SEZ6: variants seen among roughly 807,000 people sequenced by gnomAD.
The protein encoded by SEZ6 is seizure related 6 homolog, also known as seizure protein 6 homolog.
SEZ6 carries 53 observed loss-of-function variants against 101.0 expected under a neutral mutation model. That is an observed-to-expected ratio of 0.52 (90% confidence interval 0.42 to 0.66). SEZ6 has a LOEUF of 0.66. Ranked by LOEUF, SEZ6 falls within the 30% of genes least tolerant of loss-of-function variation. The pLI, the probability that SEZ6 is intolerant of heterozygous loss-of-function variation, is 0.00. For missense variants in SEZ6, 1,102 were observed against 1,289.4 expected, an observed-to-expected ratio of 0.85 and a Z score of 2.23; for synonymous variants, 488 against 512.2, an observed-to-expected ratio of 0.95 and a Z score of 0.64.
At chr17:28,983,891 C>G (rs2041343378) in intron 1 of SEZ6, among the ~76,000 whole-genome samples, 1 of 151,876 alleles carries the variant, frequency 6.6e-6, no homozygotes, top group Admixed American at 6.6e-5. Flanking sequence ...GAGGAAGCAG[C>G]AGATGGCCTA....
Position 28,969,793 on chromosome 17 carries a change from G to A in SEZ6, c.1018C>T (p.Pro340Ser). ...AALRFQSLPP[P>S]AGPGTFHFHY... ...AAATGGAAGGTGCCAGGGCCAGCCG[G>A]TGGCGGGAGGCTCTGGAACCTCAGG... is the stretch of plus-strand genomic sequence containing the variant. Residue 340 changes from proline (P) to serine (S), a missense_variant, in exon 4 of 17, where the codon CCG becomes TCG. By Grantham distance (74) the Pro-to-Ser change is moderately conservative. Around this residue, in one of 3 missense-constraint regions of SEZ6, gnomAD observed 556 missense variants for 735.1 expected, o/e 0.76. Transcript: ENST00000317338. The A allele has an allele frequency of 6.6e-7, 1 of 1,508,930 alleles. No individual in the cohort carries two copies. Among genetic ancestry groups the A allele is most frequent in the South Asian group, 1.3e-5 (1 of 74,758 alleles). The allele number at this position is 1,508,930 out of a possible 1,614,324, so 93.5% of individuals were successfully genotyped here.
rs73986767 is a variant in SEZ6 at position 28,970,017 on chromosome 17, C to T, written c.859-65G>A. On this transcript the variant is annotated intron_variant, in intron 3 of 16. Transcript: ENST00000317338. Reference sequence around the variant, plus strand: ...CTTCTTCCTGCTGCCTGGATCCTGCCGCCCTCAGGATCCTGCAGGCCCCGG... The same window carrying T: ...CTTCTTCCTGCTGCCTGGATCCTGCTGCCCTCAGGATCCTGCAGGCCCCGG... 6,185 of 1,418,204 alleles carry T rather than the reference C, an allele frequency of 4.4e-3. 207 individuals are homozygous for T. The African/African-American group carries it at 0.078, about 18-fold the overall frequency. The allele number at this position is 1,418,204 out of a possible 1,614,324, so 87.9% of individuals were successfully genotyped here.
At chr17:28,996,255 G>C (rs1168653191) in intron 1 of SEZ6, among the ~76,000 whole-genome samples, 1 of 152,030 alleles carries the variant, frequency 6.6e-6, no homozygotes. Flanking sequence ...GGGACTTGGC[G>C]AGGTTGTAGA....
At chr17:28,998,353 T>C (rs8080288) in intron 1 of SEZ6, among the ~76,000 whole-genome samples, 8,476 of 150,790 alleles carry the variant, frequency 0.056, 821 homozygotes, top group African/African-American at 0.2. Flanking sequence ...AGAGGGGGGA[T>C]GGAGAGACTG....
chr17:28,955,953 A>T lies in SEZ6; in HGVS notation c.*9T>A, dbSNP rs2040871541. 11 of 1,612,058 alleles carry T rather than the reference A, an allele frequency of 6.8e-6. No homozygotes were observed. The highest frequency in any genetic ancestry group is 9.3e-6 in the Non-Finnish European group (11 of 1,179,116). On this transcript the variant is annotated 3_prime_UTR_variant, in exon 17 of 17. Transcript: ENST00000317338. The stretch of plus-strand genomic sequence containing the variant: ...ACTTCCCTAGACTGCCCCCACCTAG[A>T]TGGAGACTTCATATTCTCTCGTCTC...
At chr17:28,970,037 C>A in intron 3 of SEZ6, 85 bp from the exon 4 acceptor site, 1 of 1,291,102 alleles carries the variant, frequency 7.7e-7, no homozygotes, top group Non-Finnish European at 1.0e-6. Flanking sequence ...ATCCTGCAGG[C>A]CCCGGGCAGA....
chr17:28,962,780 CA>C (rs141990354), intron 5 of SEZ6, among the ~76,000 whole-genome samples: 2,095 of 47,328 alleles, frequency 0.044, 15 homozygotes, highest in African/African-American at 0.071. Flanking sequence ...GACTCCATCT[CA>C]AAAAAAAAAA....
chr17:28,997,752 A>T (rs1452094685), intron 1 of SEZ6, among the ~76,000 whole-genome samples: 1 of 152,090 alleles, frequency 6.6e-6, no homozygotes, highest in Non-Finnish European at 1.5e-5. Context: ...TCTACAAAAG[A>T]GGTGGGGCAG....
chr17:28,979,942 G>A, intron 2 of SEZ6, 129 bp from the exon 3 acceptor site: 1 of 1,032,346 alleles, frequency 9.7e-7, no homozygotes, highest in Non-Finnish European at 1.3e-6. Context: ...ACCACCTCTT[G>A]TGATGTCTAG....
chr17:28,962,137 C>T (rs1056510152), intron 5 of SEZ6, among the ~76,000 whole-genome samples: 2 of 152,228 alleles, frequency 1.3e-5, no homozygotes, highest in East Asian at 1.9e-4. Flanking sequence ...CCTCTCCCCG[C>T]ATACCCTCTG....
intron 4 of SEZ6, among the ~76,000 whole-genome samples, chr17:28,967,419 C>T (rs1365096605): frequency 1.3e-5 from 2 of 152,162 alleles, no homozygotes; most frequent in East Asian, 3.9e-4. Context: ...TGCTTTCCAC[C>T]ACCACCCCAC....
At position 28,959,565 on chromosome 17, in the gene SEZ6, C is replaced by T. The variant is rs1598179053; in HGVS notation, c.1772-93G>A. ...CAGGAGTGCCCACAAATTGCTGGGA[C>T]CCCCCACCTCCTCCTTGGAGGAAGC... On this transcript the variant is annotated intron_variant, in intron 8 of 16. Transcript: ENST00000317338. The surrounding 1 kb of genome is among the most constrained non-coding windows in gnomAD (Gnocchi z 4.4). The T allele has an allele frequency of 1.9e-6, 3 of 1,555,058 alleles. No individual in the cohort carries two copies. The highest frequency in any genetic ancestry group is 1.9e-4 in the Middle Eastern group (1 of 5,184).
chr17:28,962,997 G>A (rs992852654), intron 5 of SEZ6, among the ~76,000 whole-genome samples: 1 of 151,606 alleles, frequency 6.6e-6, no homozygotes, highest in African/African-American at 2.4e-5. Context: ...GGTGGCGGGC[G>A]CCTGTAGTCC....
Position 28,981,700 on chromosome 17 carries a change from TGAGTGGGTACCGCAGCCATGGCTG to T in SEZ6, c.371_394del (p.Pro124_Thr131del), listed in dbSNP as rs755734132. 3.0e-5 allele frequency: 48 copies of T among 1,587,638 alleles called. No individual in the cohort carries two copies. The highest frequency in any genetic ancestry group is 4.1e-5 in the Non-Finnish European group (48 of 1,162,862). On this transcript the variant is annotated inframe_deletion, in exon 2 of 17. Coordinates refer to ENST00000317338, the MANE Select transcript of SEZ6 (RefSeq NM_178860.5). ...CCAGGGTCCCTCCTTGGACTGGGGC[TGAGTGGGTACCGCAGCCATGGCTG>T]GAGTGGGGCTGGTAAAGACAGGGCG...
chr17:28,976,638 A>T (rs1454279887), intron 3 of SEZ6, among the ~76,000 whole-genome samples: 21 of 152,170 alleles, frequency 1.4e-4, no homozygotes, highest in South Asian at 1.0e-3. Flanking sequence ...AGTGTCCAGC[A>T]TGGCCTGACA....
intron 1 of SEZ6, among the ~76,000 whole-genome samples, chr17:29,003,461 G>A (rs947293919): frequency 2.6e-5 from 4 of 152,240 alleles, no homozygotes; most frequent in African/African-American, 9.6e-5. Flanking sequence ...GCTACATCCT[G>A]CAGTCTGCAT....
chr17:28,961,545 G>A (rs2040978540), intron 5 of SEZ6, among the ~76,000 whole-genome samples: 1 of 152,184 alleles, frequency 6.6e-6, no homozygotes, highest in Non-Finnish European at 1.5e-5. Context: ...GATCCGGGCG[G>A]CAAACACCTG....
rs768782427 is a variant in SEZ6, at chr17:28,969,964, G to A, written c.859-12C>T. 2.0e-6 allele frequency: 3 copies of A among 1,519,144 alleles called. No individual in the cohort carries two copies. The highest frequency in any genetic ancestry group is 1.3e-5 in the South Asian group (1 of 75,104). 94.1% of individuals were successfully genotyped at this position (1,519,144 alleles called of 1,614,324 possible). On this transcript the variant is annotated splice_polypyrimidine_tract_variant and intron_variant, in intron 3 of 16. Transcript: ENST00000317338. ...CTGATATTCTGGACCTGTCAGTAGA[G>A]TAGAGAGAGAAAAGCAAAGTAGTCA...
At chr17:28,956,852 G>A in intron 13 of SEZ6, 95 bp from the exon 14 acceptor site, 1 of 1,477,320 alleles carries the variant, frequency 6.8e-7, no homozygotes, top group Non-Finnish European at 9.2e-7. Context: ...TCATGGGAAG[G>A]ATTTGTCCAA....
Sources: allele counts gnomAD v4.1 joint callset (sites outside exome capture counted in the v4.1 genomes callset), GRCh38; gene constraint gnomAD v4.1.1; regional missense constraint gnomAD v4.1.1; non-coding constraint Gnocchi (gnomAD v3.1); transcripts MANE v1.5; gene names NCBI Gene and HGNC (gene_info 2026-07-23, HGNC 2026-07-21).